Variants in ADAMTS20 observed in about 807,000 individuals in gnomAD.
The protein encoded by ADAMTS20 is A disintegrin and metalloproteinase with thrombospondin motifs 20.
ADAMTS20 carries 225 observed loss-of-function variants against 260.1 expected under a neutral mutation model. The observed-to-expected ratio is 0.87, with a 90% CI of 0.78 to 0.97. ADAMTS20 has a LOEUF of 0.97. Among genes scored for constraint, ADAMTS20 ranks in the 50% least tolerant of loss-of-function variants. The pLI is 0.00. For synonymous variants in ADAMTS20, 802 were observed against 769.5 expected, an observed-to-expected ratio of 1.04 and a Z score of -0.70; for missense variants, 2,400 against 2,337.7, an observed-to-expected ratio of 1.03 and a Z score of -0.55.
chr12:43,362,402 C>A (rs1389857376), intron 37 of ADAMTS20, among the ~76,000 whole-genome samples: 1 of 152,138 alleles, frequency 6.6e-6, no homozygotes, highest in East Asian at 1.9e-4. Flanking sequence ...AGGTACTCAT[C>A]ACCAATATGG....
intron 3 of ADAMTS20, among the ~76,000 whole-genome samples, chr12:43,528,483 G>T (rs758324740): frequency 6.7e-6 from 1 of 150,008 alleles, no homozygotes; most frequent in Non-Finnish European, 1.5e-5. Flanking sequence ...CAATGGAACA[G>T]AATAGAGAAC....
intron 3 of ADAMTS20, among the ~76,000 whole-genome samples, chr12:43,520,790 T>C (rs1943060681): frequency 6.6e-6 from 1 of 152,210 alleles, no homozygotes; most frequent in Non-Finnish European, 1.5e-5. Flanking sequence ...GTCCCTACAT[T>C]AATTAATGGC....
At chr12:43,379,065 A>G (rs1232178441) in intron 31 of ADAMTS20, among the ~76,000 whole-genome samples, 2 of 152,150 alleles carry the variant, frequency 1.3e-5, no homozygotes, top group Admixed American at 1.3e-4. Flanking sequence ...TCCGGCAGCC[A>G]CTGGAGGGGA....
Position 43,547,247 on chromosome 12 carries a change from G to A in ADAMTS20, c.453+3662C>T, listed in dbSNP as rs1046701005. On this transcript the variant is annotated intron_variant, in intron 2 of 38. Coordinates refer to ENST00000389420, the MANE Select transcript of ADAMTS20 (RefSeq NM_025003.5). ...TTCTTTTTCTCTAAAAGCCACATTC[G>A]CTGCCACCAGCGAAGGGAATGAGAG... Among the ~76,000 whole-genome samples the A allele has an allele frequency of 1.1e-4, 16 of 152,104 alleles. No individual in the cohort carries two copies. In the South Asian group the frequency reaches 1.2e-3, roughly 12 times the overall value.
chr12:43,403,393 T>C (rs185442099), intron 28 of ADAMTS20, among the ~76,000 whole-genome samples: 2 of 152,126 alleles, frequency 1.3e-5, no homozygotes, highest in Non-Finnish European at 2.9e-5. Flanking sequence ...CCTTGTTTTT[T>C]TTTAGGCTTC....
chr12:43,438,041 T>G (rs1941589899), intron 18 of ADAMTS20, among the ~76,000 whole-genome samples: 2 of 152,154 alleles, frequency 1.3e-5, no homozygotes, highest in African/African-American at 4.8e-5. Context: ...GAATTTAACT[T>G]TAACTTTAGA....
At chr12:43,461,607 T>C (rs12825848) in intron 11 of ADAMTS20, among the ~76,000 whole-genome samples, 49,491 of 151,986 alleles carry the variant, frequency 0.33, 8,669 homozygotes, top group East Asian at 0.75. Flanking sequence ...GTGCCAGTCC[T>C]GGATTTTAAT....
chr12:43,430,715 A>G (rs1045713350), intron 22 of ADAMTS20, among the ~76,000 whole-genome samples: 1 of 152,234 alleles, frequency 6.6e-6, no homozygotes, highest in East Asian at 1.9e-4. Context: ...AAAAGTTGTC[A>G]TATAAAAATA....
At chr12:43,357,046 T>G (rs557407414) in intron 37 of ADAMTS20, among the ~76,000 whole-genome samples, 2 of 152,330 alleles carry the variant, frequency 1.3e-5, no homozygotes, top group East Asian at 3.9e-4. Context: ...TGATGCCACA[T>G]GATTTACACA....
intron 18 of ADAMTS20, among the ~76,000 whole-genome samples, chr12:43,436,265 C>T (rs956512947): frequency 8.5e-5 from 13 of 152,076 alleles, no homozygotes; most frequent in Non-Finnish European, 1.6e-4. Context: ...ACACCAGGTT[C>T]CTCTGACAGG....
intron 28 of ADAMTS20, among the ~76,000 whole-genome samples, chr12:43,403,076 G>A (rs998322304): frequency 1.3e-5 from 2 of 152,136 alleles, no homozygotes; most frequent in African/African-American, 4.8e-5. Flanking sequence ...CTTTAGAGTT[G>A]TTCTAGTTGG....
chr12:43,435,622 C>T (rs1941536692), intron 18 of ADAMTS20, among the ~76,000 whole-genome samples: 1 of 118,124 alleles, frequency 8.5e-6, no homozygotes, highest in Non-Finnish European at 1.6e-5. Context: ...GCCTGGGCAA[C>T]AGAGTGAGAC....
intron 31 of ADAMTS20, among the ~76,000 whole-genome samples, chr12:43,378,297 C>T (rs1159071998): frequency 6.6e-6 from 1 of 152,176 alleles, no homozygotes; most frequent in African/African-American, 2.4e-5. Context: ...GAAAGGAAGG[C>T]AGCAGAGCTC....
intron 14 of ADAMTS20, among the ~76,000 whole-genome samples, chr12:43,448,470 C>G (rs1474535464): frequency 6.6e-6 from 1 of 152,096 alleles, no homozygotes; most frequent in African/African-American, 2.4e-5. Flanking sequence ...CCCTTCCTTA[C>G]ATCTTATAAA....
intron 29 of ADAMTS20, among the ~76,000 whole-genome samples, chr12:43,389,937 A>G (rs1276200853): frequency 1.3e-5 from 2 of 152,142 alleles, no homozygotes; most frequent in Non-Finnish European, 2.9e-5. Flanking sequence ...AGCATGACTC[A>G]TTTACTCTGT....
chr12:43,411,017 T>C (rs571545259), intron 28 of ADAMTS20, among the ~76,000 whole-genome samples: 133 of 152,262 alleles, frequency 8.7e-4, no homozygotes, highest in African/African-American at 3.1e-3. Flanking sequence ...TTTAAAGATA[T>C]GATAAAAAGA....
At chr12:43,543,863 C>T (rs1943408873) in intron 2 of ADAMTS20, among the ~76,000 whole-genome samples, 1 of 152,118 alleles carries the variant, frequency 6.6e-6, no homozygotes, top group South Asian at 2.1e-4. Context: ...CACCTTTGGG[C>T]TGAGAAAGTC....
At chr12:43,393,281 C>A (rs1940633696) in intron 29 of ADAMTS20, among the ~76,000 whole-genome samples, 1 of 151,844 alleles carries the variant, frequency 6.6e-6, no homozygotes, top group South Asian at 2.1e-4. Context: ...TTTAAAAAAT[C>A]CAGGTAATGA....
chr12:43,442,952 T>C (rs1269357524), intron 16 of ADAMTS20, among the ~76,000 whole-genome samples: 1 of 152,234 alleles, frequency 6.6e-6, no homozygotes, highest in African/African-American at 2.4e-5. Flanking sequence ...TAAGCAGTTG[T>C]TCCCCTTACA....
Sources: allele counts gnomAD v4.1 joint callset (sites outside exome capture counted in the v4.1 genomes callset), GRCh38; gene constraint gnomAD v4.1.1; transcripts MANE v1.5; gene names NCBI Gene and HGNC (gene_info 2026-07-23, HGNC 2026-07-21).